Variants in TUT4 observed in about 807,000 individuals in gnomAD.
TUT4 encodes the protein terminal uridylyltransferase 4.
TUT4 carries 36 observed loss-of-function variants against 192.2 expected under a neutral mutation model. The observed-to-expected ratio is 0.19, with a 90% CI of 0.14 to 0.25. The LOEUF (loss-of-function observed/expected upper bound fraction) is 0.25, where lower values mean the gene tolerates loss of function less well. TUT4 is among the 10% of genes least tolerant of loss of function. The pLI is 1.00. For synonymous variants in TUT4, 618 were observed against 666.0 expected (o/e 0.93, Z 1.11); for missense variants, 1,493 against 1,957.2 (o/e 0.76, Z 4.47).
At position 52,461,746 on chromosome 1, in the gene TUT4, A is replaced by C. The variant is rs1470572178; in HGVS notation, c.3093T>G (p.Ile1031Met). ...NAEKLNCKEI[I>M]ENLAKILKRH... ...TCTTAAGAATTTTTGCCAAATTTTC[A>C]ATTATTTCCTTACAATTTAATTTCT... Residue 1031 changes from isoleucine (I) to methionine (M), a missense_variant, in exon 17 of 30, where the codon ATT becomes ATG. Transcript: ENST00000257177. The C allele has an allele frequency of 7.0e-7, 1 of 1,434,434 alleles. No individual in the cohort carries two copies. The highest frequency in any genetic ancestry group is 1.3e-5 in the South Asian group (1 of 79,084). The allele number at this position is 1,434,434 out of a possible 1,614,324, so 88.9% of individuals were successfully genotyped here.
At position 52,423,925 on chromosome 1, in the gene TUT4, T is replaced by C. The variant is rs1175928338; in HGVS notation, c.*10A>G. The C allele has an allele frequency of 9.3e-6, 15 of 1,612,112 alleles. No individual in the cohort carries two copies. The highest frequency in any genetic ancestry group is 2.7e-5 in the African/African-American group (2 of 74,746). On this transcript the variant is annotated 3_prime_UTR_variant, in exon 30 of 30. Coordinates refer to ENST00000257177, the MANE Select transcript of TUT4 (RefSeq NM_001009881.3). Reference sequence around the variant, plus strand: ...CATCGGTAGACCAGCTGAAAGAAAATGGACTCGCATTACTCCGACACGTTT... The same window carrying C: ...CATCGGTAGACCAGCTGAAAGAAAACGGACTCGCATTACTCCGACACGTTT...
intron 25 of TUT4, 36 bp downstream of exon 25, chr1:52,438,184 T>C: frequency 6.5e-7 from 1 of 1,547,782 alleles, no homozygotes; most frequent in African/African-American, 1.4e-5. Flanking sequence ...TCTCATTTAT[T>C]TTCCTCAAAA....
At chr1:52,447,592 C>T (rs955607196) in intron 20 of TUT4, among the ~76,000 whole-genome samples, 2 of 151,896 alleles carry the variant, frequency 1.3e-5, no homozygotes, top group African/African-American at 2.4e-5. Context: ...GAAAAAAACG[C>T]TATTTTTACA....
rs1666743259 is a variant in TUT4 at position 52,475,046 on chromosome 1, A to AAATCAATGC, written c.2504_2512dup (p.Cys835_Asp837dup). The AAATCAATGC allele has an allele frequency of 6.8e-6, 11 of 1,614,188 alleles. No homozygotes were observed. The highest frequency in any genetic ancestry group is 9.3e-6 in the Non-Finnish European group (11 of 1,180,018). ...TTTATCTGGGTCAGGCGACTTAGACAAATCAATGCAATTACATTGGCTGAG... is the reference window on the plus strand; with the variant it reads ...TTTATCTGGGTCAGGCGACTTAGACAAATCAATGCAATCAATGCAATTACATTGGCTGAG... On this transcript the variant is annotated inframe_insertion, in exon 13 of 30. Transcript: ENST00000257177.
intron 21 of TUT4, 36 bp downstream of exon 21, chr1:52,446,554 G>A: frequency 1.3e-6 from 2 of 1,551,684 alleles, no homozygotes; most frequent in Non-Finnish European, 1.8e-6. Flanking sequence ...ATATATCAGT[G>A]AGCATTCTAG....
Position 52,525,882 on chromosome 1 carries a change from C to A in TUT4, c.399G>T (p.Lys133Asn), listed in dbSNP as rs1681619472. The A allele has an allele frequency of 6.2e-7, 1 of 1,613,896 alleles. No individual in the cohort carries two copies. Among genetic ancestry groups the A allele is most frequent in the Non-Finnish European group, 8.5e-7 (1 of 1,180,018 alleles). ...TTTCTGCTTTCACTGAATTAGGTGA[C>A]TTTGGTGATTTTTCTGCTTTTGCCT... ...SLQAKAEKSPKSPNSVKAEKA... is the reference protein window; with the variant it reads ...SLQAKAEKSPNSPNSVKAEKA... Residue 133 changes from lysine (K) to asparagine (N), a missense_variant, in exon 2 of 30, where the codon AAG (lysine) becomes AAT (asparagine). Transcript: ENST00000257177.
chr1:52,508,859 T>C (rs1423226455), intron 4 of TUT4, among the ~76,000 whole-genome samples: 4 of 152,238 alleles, frequency 2.6e-5, no homozygotes, highest in Non-Finnish European at 2.9e-5. Flanking sequence ...TCTATGTCTA[T>C]GGGATATTTC....
At chr1:52,451,785 G>A (rs1195081492) in intron 20 of TUT4, among the ~76,000 whole-genome samples, 1 of 151,490 alleles carries the variant, frequency 6.6e-6, no homozygotes, top group African/African-American at 2.4e-5. Context: ...GGAGATTGCA[G>A]TGAGCCGAGA....
Position 52,423,731 on chromosome 1 carries a change from C to A in TUT4, c.*204G>T. The A allele has an allele frequency of 8.2e-7, 1 of 1,223,080 alleles. No homozygotes were observed. The highest frequency in any genetic ancestry group is 2.2e-5 in the Admixed American group (1 of 44,874). 75.8% of individuals were successfully genotyped at this position (1,223,080 alleles called of 1,614,324 possible). A position where few individuals can be genotyped will look rare whatever the true frequency, so the allele number is the denominator to read the frequency against. On this transcript the variant is annotated 3_prime_UTR_variant, in exon 30 of 30. Transcript: ENST00000257177. ...AGTTCATATTTATATACAAATAATACAGTCTGTAAAAACAGTCTTAGAATT... is the reference window on the plus strand; with the variant it reads ...AGTTCATATTTATATACAAATAATAAAGTCTGTAAAAACAGTCTTAGAATT...
chr1:52,507,071 A>G (rs1675794650), intron 4 of TUT4, among the ~76,000 whole-genome samples: 1 of 152,226 alleles, frequency 6.6e-6, no homozygotes, highest in African/African-American at 2.4e-5. Context: ...CCAGTGTCCC[A>G]TGAAGCACGA....
chr1:52,445,057 G>T (rs1189579282), intron 24 of TUT4, among the ~76,000 whole-genome samples: 1 of 150,916 alleles, frequency 6.6e-6, no homozygotes, highest in East Asian at 1.9e-4. Flanking sequence ...GTGTGTCTGT[G>T]TATATATATA....
chr1:52,443,335 T>A (rs1444116462), intron 24 of TUT4, among the ~76,000 whole-genome samples: 1 of 149,156 alleles, frequency 6.7e-6, no homozygotes, highest in East Asian at 2.0e-4. Context: ...ACGCCTGTAA[T>A]CCCAGCACTT....
intron 1 of TUT4, among the ~76,000 whole-genome samples, chr1:52,550,440 G>A (rs537987344): frequency 4.1e-4 from 62 of 150,302 alleles, no homozygotes; most frequent in African/African-American, 8.3e-4. Flanking sequence ...ACAACTCATT[G>A]AGTTCTATTT....
intron 13 of TUT4, among the ~76,000 whole-genome samples, chr1:52,474,296 C>T (rs1211987245): frequency 1.3e-5 from 2 of 152,066 alleles, no homozygotes; most frequent in East Asian, 1.9e-4. Flanking sequence ...TAGGATAAGC[C>T]GAAATCCAGA....
intron 18 of TUT4, 38 bp from the exon 19 acceptor site, chr1:52,461,261 T>C (rs752562342): frequency 1.3e-6 from 2 of 1,555,362 alleles, no homozygotes; most frequent in South Asian, 1.2e-5. Flanking sequence ...ATTTCAAATT[T>C]CGTAAAATTA....
intron 28 of TUT4, among the ~76,000 whole-genome samples, chr1:52,429,751 C>T (rs1172431081): frequency 6.6e-6 from 1 of 151,814 alleles, no homozygotes; most frequent in East Asian, 1.9e-4. Context: ...CATCACCACA[C>T]CCGGCTAATT....
At chr1:52,489,780 G>A (rs1371702168) in intron 8 of TUT4, among the ~76,000 whole-genome samples, 1 of 152,132 alleles carries the variant, frequency 6.6e-6, no homozygotes, top group African/African-American at 2.4e-5. Flanking sequence ...TAGACAAACT[G>A]ATAAACCACT....
At chr1:52,541,329 C>T (rs182405641) in intron 1 of TUT4, among the ~76,000 whole-genome samples, 5 of 151,912 alleles carry the variant, frequency 3.3e-5, no homozygotes, top group East Asian at 1.9e-4. Context: ...GTCAGGAGTT[C>T]GAGACTAGCC....
At position 52,462,844 on chromosome 1, in the gene TUT4, A is replaced by C. The variant is rs560721776; in HGVS notation, c.3070-1075T>G. On this transcript the variant is annotated intron_variant, in intron 16 of 29. Coordinates refer to ENST00000257177, the MANE Select transcript of TUT4 (RefSeq NM_001009881.3). Reference sequence around the variant, plus strand: ...ATGGTAATGATAATCATAATACATAATGATTATGGCATTAAAAATTAACTG... The same window carrying C: ...ATGGTAATGATAATCATAATACATACTGATTATGGCATTAAAAATTAACTG... 2.1e-5 allele frequency: 21 copies of C among 985,306 alleles called. No individual in the cohort carries two copies. The East Asian group carries it at 2.0e-3, about 96-fold the overall frequency. The allele number at this position is 985,306 out of a possible 1,614,324, so 61.0% of individuals were successfully genotyped here.
Sources: allele counts gnomAD v4.1 joint callset (sites outside exome capture counted in the v4.1 genomes callset), GRCh38; gene constraint gnomAD v4.1.1; transcripts MANE v1.5; gene names NCBI Gene and HGNC (gene_info 2026-07-23, HGNC 2026-07-21).